PIGL: variants seen among roughly 807,000 people sequenced by gnomAD.
PIGL encodes phosphatidylinositol glycan anchor biosynthesis class L.
PIGL carries 22 observed loss-of-function variants against 31.1 expected under a neutral mutation model. The ratio of observed to expected loss-of-function variants is 0.71; its 90% CI spans 0.51 to 1.01. The LOEUF (loss-of-function observed/expected upper bound fraction) is 1.01. Among genes scored for constraint, PIGL ranks in the 50% least tolerant of loss-of-function variants. The pLI is 0.00. For missense variants in PIGL, 302 were observed against 315.9 expected, an observed-to-expected ratio of 0.96 and a Z score of 0.33; for synonymous variants, 131 against 117.4, an observed-to-expected ratio of 1.12 and a Z score of -0.75.
chr17:16,297,573 A>G (rs986946797), intron 2 of PIGL, among the ~76,000 whole-genome samples: 2 of 152,130 alleles, frequency 1.3e-5, no homozygotes, highest in African/African-American at 4.8e-5. Flanking sequence ...ATTCCAAGAC[A>G]TTTTCTCTGT....
At position 16,260,818 on chromosome 17, in the gene PIGL, G is replaced by A. The variant is rs147773162; in HGVS notation, c.335+26748G>A. Among the ~76,000 whole-genome samples, 264 of 152,100 alleles carry A rather than the reference G, an allele frequency of 1.7e-3. 3 individuals carry two copies. The highest frequency in any genetic ancestry group is 8.9e-3 in the East Asian group (46 of 5,164). On this transcript the variant is annotated intron_variant, in intron 2 of 6. Transcript: ENST00000225609. Reference sequence around the variant, plus strand: ...AAAAACTCAGGACCTGCCAAATAGCGGCTAAAAGAGCTGTAATACAGCCGG... The same window carrying A: ...AAAAACTCAGGACCTGCCAAATAGCAGCTAAAAGAGCTGTAATACAGCCGG...
intron 1 of PIGL, among the ~76,000 whole-genome samples, chr17:16,225,608 G>C (rs151221945): frequency 4.0e-5 from 6 of 150,522 alleles, no homozygotes; most frequent in Non-Finnish European, 7.4e-5. Context: ...GATTACAGGC[G>C]TGAGCCACCG....
intron 3 of PIGL, 135 bp downstream of exon 3, chr17:16,300,113 C>G (rs1400827699): frequency 1.5e-6 from 1 of 655,504 alleles, no homozygotes; most frequent in African/African-American, 1.8e-5. Flanking sequence ...GAGGCCAGAA[C>G]TTCCAATGCT....
At chr17:16,301,039 TC>T (rs2093002369) in intron 3 of PIGL, among the ~76,000 whole-genome samples, 1 of 152,196 alleles carries the variant, frequency 6.6e-6, no homozygotes, top group Non-Finnish European at 1.5e-5. Context: ...TGAGGTAATA[TC>T]TAAAATTCCA....
chr17:16,316,580 G>T, intron 4 of PIGL, 101 bp from the exon 5 acceptor site: 1 of 1,159,170 alleles, frequency 8.6e-7, no homozygotes, highest in South Asian at 1.7e-5. Flanking sequence ...CTCACATGGA[G>T]GGGACCATGG....
intron 2 of PIGL, among the ~76,000 whole-genome samples, chr17:16,299,160 AT>A (rs2092994337): frequency 6.6e-6 from 1 of 151,766 alleles, no homozygotes; most frequent in African/African-American, 2.4e-5. Context: ...GTGAGCCGAG[AT>A]TGTGCCACTG....
At chr17:16,307,535 T>C (rs543571627) in intron 3 of PIGL, among the ~76,000 whole-genome samples, 1 of 152,356 alleles carries the variant, frequency 6.6e-6, no homozygotes, top group East Asian at 1.9e-4. Context: ...TTTAAAAATG[T>C]GTCCCCTTAT....
At chr17:16,231,888 T>A (rs1000194427) in intron 1 of PIGL, among the ~76,000 whole-genome samples, 4 of 152,218 alleles carry the variant, frequency 2.6e-5, no homozygotes, top group Admixed American at 1.3e-4. Flanking sequence ...TGTTGAGTTT[T>A]TTTATTTATT....
chr17:16,259,173 G>A (rs1227228902), intron 2 of PIGL, among the ~76,000 whole-genome samples: 1 of 151,966 alleles, frequency 6.6e-6, no homozygotes, highest in Non-Finnish European at 1.5e-5. Context: ...AGACACAACA[G>A]TCTGGTTTCT....
chr17:16,292,395 T>TA lies in PIGL; in HGVS notation c.336-7493_336-7492insA, dbSNP rs1568827530. Reference sequence around the variant, plus strand: ...CTATAAAATGTACAAATCTTTCTCTTTAAAAAAAAAAAAACACTCCTTTGA... The same window carrying TA: ...CTATAAAATGTACAAATCTTTCTCTTATAAAAAAAAAAAAACACTCCTTTGA... On this transcript the variant is annotated intron_variant, in intron 2 of 6. Transcript: ENST00000225609. 8.4e-3 allele frequency among the ~76,000 whole-genome samples: 1,023 copies of TA among 121,468 alleles called. 10 individuals carry two copies. Among genetic ancestry groups the TA allele is most frequent in the African/African-American group, 0.025 (959 of 37,682 alleles). The allele number at this position is 121,468 out of a possible 152,430, so 79.7% of individuals were successfully genotyped here. A position where few individuals can be genotyped will look rare whatever the true frequency, so the allele number is the denominator to read the frequency against.
At position 16,301,304 on chromosome 17, in the gene PIGL, G is replaced by A. The variant is rs570692110; in HGVS notation, c.426+1326G>A. On this transcript the variant is annotated intron_variant, in intron 3 of 6. Transcript: ENST00000225609. ...TTCTGAGACAGAGTTTCCCTCCATCGCCCAGGCTGGAGTGCAGTGGCGGGA... is the reference window on the plus strand; with the variant it reads ...TTCTGAGACAGAGTTTCCCTCCATCACCCAGGCTGGAGTGCAGTGGCGGGA... Among the ~76,000 whole-genome samples, 5 of 150,994 alleles carry A rather than the reference G, an allele frequency of 3.3e-5. No individual in the cohort carries two copies. The South Asian group carries it at 8.4e-4, about 25-fold the overall frequency.
At chr17:16,232,236 C>A (rs181083574) in intron 1 of PIGL, among the ~76,000 whole-genome samples, 40 of 152,140 alleles carry the variant, frequency 2.6e-4, no homozygotes, top group African/African-American at 9.6e-4. Context: ...TGAGATCACA[C>A]CACTGCACTC....
In PIGL at chr17:16,309,069, G is replaced by A. The variant is rs1328618685; in HGVS notation, c.427-4478G>A. On this transcript the variant is annotated intron_variant, in intron 3 of 6. Coordinates refer to ENST00000225609, the MANE Select transcript of PIGL (RefSeq NM_004278.4). ...GCCTCCTGAAATGCTGGGATTCCAG[G>A]CATAAGACACTGTGCCCAGCCAAAC... is the stretch of plus-strand genomic sequence containing the variant. Among the ~76,000 whole-genome samples, 4 of 152,276 alleles carry A rather than the reference G, an allele frequency of 2.6e-5. No individual in the cohort carries two copies. In the East Asian group the frequency reaches 7.7e-4, roughly 29 times the overall value.
intron 2 of PIGL, among the ~76,000 whole-genome samples, chr17:16,255,794 C>T (rs1275526410): frequency 6.6e-6 from 1 of 152,196 alleles, no homozygotes; most frequent in Non-Finnish European, 1.5e-5. Flanking sequence ...CTCAAGGGCA[C>T]AGTTCCAGTC....
intron 4 of PIGL, 142 bp downstream of exon 4, chr17:16,313,756 A>G (rs895599933): frequency 1.1e-5 from 8 of 697,804 alleles, no homozygotes; most frequent in African/African-American, 5.3e-5. Context: ...CTTTTTGGCC[A>G]TGTTGCTCAC....
chr17:16,304,405 T>C (rs1435697264), intron 3 of PIGL, among the ~76,000 whole-genome samples: 1 of 152,144 alleles, frequency 6.6e-6, no homozygotes, highest in Non-Finnish European at 1.5e-5. Flanking sequence ...CCCAGCTCTG[T>C]AGTACTGCAG....
At chr17:16,261,377 A>G (rs1163393097) in intron 2 of PIGL, among the ~76,000 whole-genome samples, 1 of 152,222 alleles carries the variant, frequency 6.6e-6, no homozygotes, top group African/African-American at 2.4e-5. Context: ...TTTATTGAAT[A>G]TGACACCAAA....
intron 1 of PIGL, among the ~76,000 whole-genome samples, chr17:16,222,936 C>G (rs2092636004): frequency 6.6e-6 from 1 of 151,958 alleles, no homozygotes; most frequent in Admixed American, 6.6e-5. Context: ...CGCTTGAACC[C>G]AGTAGGTGGA....
intron 1 of PIGL, among the ~76,000 whole-genome samples, chr17:16,219,127 C>T (rs1296009500): frequency 2.8e-5 from 4 of 143,094 alleles, no homozygotes; most frequent in Admixed American, 1.5e-4. Context: ...AGTGCAGTGG[C>T]GCAATCTCGG....
Sources: allele counts gnomAD v4.1 joint callset (sites outside exome capture counted in the v4.1 genomes callset), GRCh38; gene constraint gnomAD v4.1.1; transcripts MANE v1.5; gene names NCBI Gene and HGNC (gene_info 2026-07-23, HGNC 2026-07-21).